DNAL1: variants seen among roughly 807,000 people sequenced by gnomAD.
The protein encoded by DNAL1 is chromosome 14 open reading frame 168.
In DNAL1, 17 loss-of-function variants were observed where a neutral mutation model predicts 29.4. The ratio of observed to expected loss-of-function variants is 0.58; its 90% CI spans 0.40 to 0.87. The LOEUF is 0.87. DNAL1 is among the 40% of genes least tolerant of loss of function. DNAL1 has a pLI of 0.00. For synonymous variants in DNAL1, 78 were observed against 76.3 expected (o/e 1.02, Z -0.12); for missense variants, 188 against 214.1 (o/e 0.88, Z 0.76).
chr14:73,664,088 C>G (rs139423974), intron 4 of DNAL1, among the ~76,000 whole-genome samples: 1 of 152,292 alleles, frequency 6.6e-6, no homozygotes, highest in Non-Finnish European at 1.5e-5. Context: ...TGGGAGCCCA[C>G]CAATTACACA....
chr14:73,686,995 G>T (rs940011987), intron 5 of DNAL1, among the ~76,000 whole-genome samples: 1 of 149,248 alleles, frequency 6.7e-6, no homozygotes, highest in African/African-American at 2.5e-5. Context: ...TATTAGTAAC[G>T]TATTATGTTT....
At chr14:73,680,293 C>A (rs1891844986) in intron 5 of DNAL1, among the ~76,000 whole-genome samples, 1 of 152,148 alleles carries the variant, frequency 6.6e-6, no homozygotes, top group Non-Finnish European at 1.5e-5. Flanking sequence ...TTGTTGCAAT[C>A]TTTTGTACAA....
chr14:73,674,846 G>A (rs1891693383), intron 5 of DNAL1, among the ~76,000 whole-genome samples: 1 of 151,914 alleles, frequency 6.6e-6, no homozygotes, highest in African/African-American at 2.4e-5. Context: ...GAGCCACCAT[G>A]CCTGGTGGAG....
chr14:73,683,700 A>AT (rs1334060024), intron 5 of DNAL1, among the ~76,000 whole-genome samples: 8 of 128,056 alleles, frequency 6.2e-5, no homozygotes, highest in Admixed American at 3.4e-4. Flanking sequence ...TTATTTATTT[A>AT]TTATTATTAT....
rs1891179360 is a variant in DNAL1, at chr14:73,654,862, A to G, written c.19A>G (p.Ile7Val). The G allele has an allele frequency of 6.5e-7, 1 of 1,533,078 alleles. No individual in the cohort carries two copies. The highest frequency in any genetic ancestry group is 2.5e-5 in the East Asian group (1 of 40,816). 95.0% of individuals were successfully genotyped at this position (1,533,078 alleles called of 1,614,324 possible). A position where few individuals can be genotyped will look rare whatever the true frequency, so the allele number is the denominator to read the frequency against. Reference protein sequence around the residue: MAKATTIKEALARWEEK... With the variant: MAKATTVKEALARWEEK... Reference sequence around the variant, plus strand: ...TTTTTTAAAGGCGAAAGCAACAACAATCAAAGAAGCCTTAGCGAGATGGGT... The same window carrying G: ...TTTTTTAAAGGCGAAAGCAACAACAGTCAAAGAAGCCTTAGCGAGATGGGT... Residue 7 changes from isoleucine (I) to valine (V), a missense_variant, in exon 2 of 8, where the codon ATC (isoleucine) becomes GTC (valine). Transcript: ENST00000553645.
rs1891273931 is a variant in DNAL1 at position 73,658,824 on chromosome 14, TTCCAAATGTATTTTTC to T, written c.43-20_43-5del. On this transcript the variant is annotated splice_polypyrimidine_tract_variant and splice_region_variant and intron_variant, in intron 2 of 7. Coordinates refer to ENST00000553645, the MANE Select transcript of DNAL1 (RefSeq NM_031427.4). ...CCACATTGCAATCATGGGTTATTTC[TTCCAAATGTATTTTTC>T]TCATAGGAAGAGAAAACTGGCCAGA... 2 of 1,574,308 alleles carry T rather than the reference TTCCAAATGTATTTTTC, an allele frequency of 1.3e-6. No individual in the cohort carries two copies. The highest frequency in any genetic ancestry group is 3.5e-5 in the Admixed American group (2 of 56,914).
Position 73,689,501 on chromosome 14 carries a change from T to G in DNAL1, c.518T>G (p.Leu173Arg), listed in dbSNP as rs1286992943. 3.1e-6 allele frequency: 5 copies of G among 1,589,060 alleles called. No individual in the cohort carries two copies. In the South Asian group the frequency reaches 5.8e-5, roughly 18 times the overall value. Residue 173 changes from leucine (L) to arginine (R), a missense_variant, in exon 7 of 8, where the codon CTG becomes CGG. Physicochemically the swap from Leu to Arg is moderately radical, Grantham distance 102. Transcript: ENST00000553645. ...GAAGCAACCAAGAGAGTGCCCAAACTGAAAAAGCTGGATGGTGAGTGATTC... is the reference window on the plus strand; with the variant it reads ...GAAGCAACCAAGAGAGTGCCCAAACGGAAAAAGCTGGATGGTGAGTGATTC... ...IEEATKRVPK[L>R]KKLDGTPVIK...
At chr14:73,669,526 C>T (rs1463121918) in intron 4 of DNAL1, among the ~76,000 whole-genome samples, 7 of 152,166 alleles carry the variant, frequency 4.6e-5, no homozygotes, top group Non-Finnish European at 7.4e-5. Context: ...CCACCCGCCT[C>T]GGCCTCCCAA....
chr14:73,681,297 C>G (rs966434263), intron 5 of DNAL1, among the ~76,000 whole-genome samples: 8 of 151,528 alleles, frequency 5.3e-5, no homozygotes, highest in Non-Finnish European at 2.9e-5. Flanking sequence ...CCATGCCCGG[C>G]TAGTTTTTAT....
rs527982738 is a variant in DNAL1, at chr14:73,647,044, G to T, written c.3+2002G>T. Among the ~76,000 whole-genome samples the T allele has an allele frequency of 2.0e-5, 3 of 152,014 alleles. No individual in the cohort carries two copies. In the South Asian group the frequency reaches 6.2e-4, roughly 32 times the overall value. Reference sequence around the variant, plus strand: ...TGATGATATTTCACATTAAAACCAAGATTTCCAATTTCTCTTGAAAAATAA... The same window carrying T: ...TGATGATATTTCACATTAAAACCAATATTTCCAATTTCTCTTGAAAAATAA... On this transcript the variant is annotated intron_variant, in intron 1 of 7. Coordinates refer to ENST00000553645, the MANE Select transcript of DNAL1 (RefSeq NM_031427.4).
intron 5 of DNAL1, among the ~76,000 whole-genome samples, chr14:73,676,050 A>AT (rs546861811): frequency 7.4e-5 from 11 of 148,910 alleles, no homozygotes; most frequent in South Asian, 6.4e-4. Context: ...AAAATAAAAT[A>AT]TTTTTTTTTT....
Position 73,698,327 on chromosome 14 carries a change from A to G in DNAL1, c.*2385A>G, listed in dbSNP as rs1268114732. 2 of 152,222 alleles carry G rather than the reference A, an allele frequency of 1.3e-5. No individual in the cohort carries two copies. The highest frequency in any genetic ancestry group is 4.8e-5 in the African/African-American group (2 of 41,454). The allele number at this position is 152,222 out of a possible 1,614,324, so 9.4% of individuals were successfully genotyped here. On this transcript the variant is annotated 3_prime_UTR_variant, in exon 8 of 8. Transcript: ENST00000553645. ...CATTAGAAAATGGCAGTTGGGATGT[A>G]TGAAGAAATGTAGGATATTCTCTCA...
At chr14:73,679,160 C>T (rs1481743574) in intron 5 of DNAL1, among the ~76,000 whole-genome samples, 1 of 152,068 alleles carries the variant, frequency 6.6e-6, no homozygotes, top group Non-Finnish European at 1.5e-5. Flanking sequence ...CCACACCCGG[C>T]TAATTTTTTT....
At chr14:73,671,618 ATTTT>A in intron 5 of DNAL1, 21 bp downstream of exon 5, 1 of 1,414,240 alleles carries the variant, frequency 7.1e-7, no homozygotes, top group Non-Finnish European at 9.3e-7. Context: ...ATTTATTATT[ATTTT>A]ATTTATTTAA....
intron 4 of DNAL1, among the ~76,000 whole-genome samples, chr14:73,664,819 CT>C (rs1891437401): frequency 6.6e-6 from 1 of 151,726 alleles, no homozygotes; most frequent in African/African-American, 2.4e-5. Flanking sequence ...TATGATGGTG[CT>C]ACTGCACTCC....
chr14:73,658,940 A>C lies in DNAL1; in HGVS notation c.136A>C (p.Met46Leu). 1.3e-6 allele frequency: 2 copies of C among 1,518,314 alleles called. No homozygotes were observed. The highest frequency in any genetic ancestry group is 1.8e-6 in the Non-Finnish European group (2 of 1,131,372). The allele number at this position is 1,518,314 out of a possible 1,614,324, so 94.1% of individuals were successfully genotyped here. Residue 46 changes from methionine (M) to leucine (L), a missense_variant, in exon 3 of 8, where the codon ATG becomes CTG. Physicochemically the swap from Met to Leu is conservative, Grantham distance 15 (BLOSUM62 2). Transcript: ENST00000553645. The part of the protein sequence containing the change: ...PIEKMDASLS[M>L]LANCEKLSLS... Reference sequence around the variant, plus strand: ...AGAGAAGATGGATGCATCCTTGTCCATGCTTGCTAATTGCGAGTAAGTTCT... The same window carrying C: ...AGAGAAGATGGATGCATCCTTGTCCCTGCTTGCTAATTGCGAGTAAGTTCT...
Position 73,649,509 on chromosome 14 carries a change from C to T in DNAL1, c.3+4467C>T, listed in dbSNP as rs1009671625. Among the ~76,000 whole-genome samples, 108 of 151,494 alleles carry T rather than the reference C, an allele frequency of 7.1e-4. 1 individual carries two copies. The highest frequency in any genetic ancestry group is 6.9e-4 in the Non-Finnish European group (47 of 67,626). The stretch of plus-strand genomic sequence containing the variant: ...ATGATAGCCAGGATGGTCTCGATCT[C>T]CTGACCTCGTGATCCGCCCGCCTCA... On this transcript the variant is annotated intron_variant, in intron 1 of 7. Transcript: ENST00000553645.
chr14:73,652,391 A>G (rs1891131624), intron 1 of DNAL1, among the ~76,000 whole-genome samples: 1 of 152,146 alleles, frequency 6.6e-6, no homozygotes, highest in Non-Finnish European at 1.5e-5. Flanking sequence ...CCTCCAGAGT[A>G]GCTGGCACCA....
At chr14:73,646,621 G>T (rs976561133) in intron 1 of DNAL1, among the ~76,000 whole-genome samples, 3 of 152,106 alleles carry the variant, frequency 2.0e-5, no homozygotes, top group Non-Finnish European at 4.4e-5. Flanking sequence ...GATTAGCGGG[G>T]CATGGTGGCG....
Sources: allele counts gnomAD v4.1 joint callset (sites outside exome capture counted in the v4.1 genomes callset), GRCh38; gene constraint gnomAD v4.1.1; transcripts MANE v1.5; gene names NCBI Gene and HGNC (gene_info 2026-07-23, HGNC 2026-07-21).